Variants in ARHGAP32 observed in about 807,000 individuals in gnomAD.
ARHGAP32 encodes rho GTPase-activating protein 32.
In ARHGAP32, 51 loss-of-function variants were observed where a neutral mutation model predicts 186.5. The ratio of observed to expected loss-of-function variants is 0.27; its 90% CI spans 0.22 to 0.35. The LOEUF (loss-of-function observed/expected upper bound fraction) is 0.35, where lower values mean the gene tolerates loss of function less well. Among genes scored for constraint, ARHGAP32 ranks in the 10% least tolerant of loss-of-function variants. The pLI is 1.00. For missense variants in ARHGAP32, 2,186 were observed against 2,623.5 expected (o/e 0.83, Z 3.64); for synonymous variants, 950 against 964.3 (o/e 0.99, Z 0.27).
chr11:129,151,719 C>T (rs554524107), intron 2 of ARHGAP32, among the ~76,000 whole-genome samples: 410 of 152,042 alleles, frequency 2.7e-3, no homozygotes, highest in African/African-American at 9.3e-3. Flanking sequence ...ACAGCAAAAA[C>T]GGTGCAAAGA....
chr11:129,107,594 C>T (rs1342984289), intron 5 of ARHGAP32, among the ~76,000 whole-genome samples: 3 of 152,152 alleles, frequency 2.0e-5, no homozygotes, highest in African/African-American at 4.8e-5. Context: ...TTGGGCCGGA[C>T]GTGGTGGCTC....
At chr11:129,129,019 G>A (rs934487932) in intron 2 of ARHGAP32, among the ~76,000 whole-genome samples, 1 of 152,204 alleles carries the variant, frequency 6.6e-6, no homozygotes, top group African/African-American at 2.4e-5. Context: ...TCTGGGAAGT[G>A]AAGAGCGTCT....
At chr11:129,242,894 A>C (rs1272120199) in intron 1 of ARHGAP32, among the ~76,000 whole-genome samples, 1 of 152,030 alleles carries the variant, frequency 6.6e-6, no homozygotes, top group Non-Finnish European at 1.5e-5. Flanking sequence ...AACAACGTTC[A>C]GCTCCCAAAC....
rs754710272 is a variant in ARHGAP32 at position 128,972,567 on chromosome 11, C to A, written c.3939G>T (p.Thr1313=). 1 of 1,594,270 alleles carries A rather than the reference C, an allele frequency of 6.3e-7. No homozygotes were observed. Among genetic ancestry groups the A allele is most frequent in the Non-Finnish European group, 8.6e-7 (1 of 1,169,184 alleles). ...GGGGAAGGGGACGATTAGTTCTGTG[C>A]GTGCGCTGAAGTGTGGCAGCAGCAA... ...ADFAAATLQR[T]HRTNRPLPPP... is the part of the protein sequence containing the mutation. Residue 1313 remains threonine, a synonymous_variant, in exon 22 of 23, where the codon ACG becomes ACT. Coordinates refer to ENST00000682385, the MANE Select transcript of ARHGAP32 (RefSeq NM_001378024.1).
chr11:129,092,924 A>G (rs1235331621), intron 6 of ARHGAP32, among the ~76,000 whole-genome samples: 1 of 152,080 alleles, frequency 6.6e-6, no homozygotes, highest in Non-Finnish European at 1.5e-5. Flanking sequence ...CAAAGAATGT[A>G]GAATAAGTGA....
intron 10 of ARHGAP32, among the ~76,000 whole-genome samples, chr11:129,044,125 AAGTCTGCC>A (rs1402086268): frequency 6.6e-6 from 1 of 152,154 alleles, no homozygotes; most frequent in African/African-American, 2.4e-5. Flanking sequence ...GTTCAATCTT[AAGTCTGCC>A]ACTCACTAGA....
chr11:129,218,881 G>C (rs189646661), intron 1 of ARHGAP32, among the ~76,000 whole-genome samples: 4 of 152,188 alleles, frequency 2.6e-5, no homozygotes, highest in Non-Finnish European at 5.9e-5. Flanking sequence ...ATGTTAATGA[G>C]GGAGTGCGGG....
At chr11:129,143,657 T>A (rs964120779) in intron 2 of ARHGAP32, among the ~76,000 whole-genome samples, 3 of 116,344 alleles carry the variant, frequency 2.6e-5, no homozygotes, top group African/African-American at 2.9e-5. Context: ...CCAACATGGA[T>A]ATGACAAAGA....
At chr11:129,172,232 C>G (rs1463395747) in intron 1 of ARHGAP32, among the ~76,000 whole-genome samples, 1 of 152,036 alleles carries the variant, frequency 6.6e-6, no homozygotes, top group Non-Finnish European at 1.5e-5. Context: ...AGAGAGGGCA[C>G]CCTTGTCTTG....
At chr11:128,979,533 A>C (rs992857787) in intron 18 of ARHGAP32, among the ~76,000 whole-genome samples, 1 of 152,246 alleles carries the variant, frequency 6.6e-6, no homozygotes, top group Non-Finnish European at 1.5e-5. Flanking sequence ...TCTACATCCC[A>C]GTATCTACTC....
At chr11:129,174,418 C>A (rs1943855610) in intron 1 of ARHGAP32, among the ~76,000 whole-genome samples, 1 of 152,226 alleles carries the variant, frequency 6.6e-6, no homozygotes, top group African/African-American at 2.4e-5. Flanking sequence ...AGCCAGAAAG[C>A]TCGAACTGGG....
intron 17 of ARHGAP32, 50 bp from the exon 18 acceptor site, chr11:128,980,798 T>C: frequency 7.3e-7 from 1 of 1,371,552 alleles, no homozygotes; most frequent in Middle Eastern, 1.8e-4. Flanking sequence ...CGTGAGTGTA[T>C]TCAATTTGTT....
chr11:129,077,904 G>C (rs746120995), intron 6 of ARHGAP32, among the ~76,000 whole-genome samples: 3 of 152,140 alleles, frequency 2.0e-5, no homozygotes, highest in Non-Finnish European at 2.9e-5. Context: ...TTAAAAAACT[G>C]CTCTAAGAAA....
At chr11:129,107,661 G>C (rs1457717489) in intron 5 of ARHGAP32, among the ~76,000 whole-genome samples, 1 of 152,066 alleles carries the variant, frequency 6.6e-6, no homozygotes, top group East Asian at 1.9e-4. Flanking sequence ...CTGAGGTCAG[G>C]AGTTCGAGAC....
At chr11:129,142,922 G>T (rs891239470) in intron 2 of ARHGAP32, among the ~76,000 whole-genome samples, 1 of 151,062 alleles carries the variant, frequency 6.6e-6, no homozygotes, top group African/African-American at 2.4e-5. Flanking sequence ...TTTGACAGAG[G>T]TCACAGAAGC....
At chr11:129,250,314 G>A (rs796661027) in intron 1 of ARHGAP32, among the ~76,000 whole-genome samples, 18 of 152,290 alleles carry the variant, frequency 1.2e-4, no homozygotes, top group African/African-American at 3.4e-4. Flanking sequence ...ACTAACTGCT[G>A]TGAAGATTTT....
At chr11:129,242,995 A>G (rs1249542959) in intron 1 of ARHGAP32, among the ~76,000 whole-genome samples, 1 of 152,136 alleles carries the variant, frequency 6.6e-6, no homozygotes, top group African/African-American at 2.4e-5. Flanking sequence ...ACCTCTACGC[A>G]TGCAACTTAA....
At chr11:129,176,621 G>A (rs935712538) in intron 1 of ARHGAP32, among the ~76,000 whole-genome samples, 102 of 150,708 alleles carry the variant, frequency 6.8e-4, no homozygotes, top group Middle Eastern at 3.4e-3. Flanking sequence ...TAGAACTCAG[G>A]ATTAAGAATC....
intron 6 of ARHGAP32, among the ~76,000 whole-genome samples, chr11:129,073,775 A>G (rs888364840): frequency 2.1e-4 from 31 of 148,318 alleles, no homozygotes; most frequent in Admixed American, 1.9e-3. Context: ...ACAAAAAACA[A>G]CAACAACAAA....
Sources: allele counts gnomAD v4.1 joint callset (sites outside exome capture counted in the v4.1 genomes callset), GRCh38; gene constraint gnomAD v4.1.1; transcripts MANE v1.5; gene names NCBI Gene and HGNC (gene_info 2026-07-23, HGNC 2026-07-21).